TBC1D22A: variants seen among roughly 807,000 people sequenced by gnomAD.
The protein encoded by TBC1D22A is putative GTPase activator.
In TBC1D22A, 38 loss-of-function variants were observed where a neutral mutation model predicts 60.2. The observed-to-expected ratio is 0.63, with a 90% CI of 0.49 to 0.83. The LOEUF (loss-of-function observed/expected upper bound fraction) is 0.83, where lower values mean the gene tolerates loss of function less well. Among genes scored for constraint, TBC1D22A ranks in the 40% least tolerant of loss-of-function variants. TBC1D22A has a pLI of 0.00. For synonymous variants in TBC1D22A, 302 were observed against 281.7 expected, an observed-to-expected ratio of 1.07 and a Z score of -0.72; for missense variants, 628 against 701.0, an observed-to-expected ratio of 0.90 and a Z score of 1.18.
intron 12 of TBC1D22A, among the ~76,000 whole-genome samples, chr22:47,165,308 T>G (rs2068159876): frequency 6.6e-6 from 1 of 152,094 alleles, no homozygotes; most frequent in South Asian, 2.1e-4. Context: ...CTCTGCCACC[T>G]CCCAGGAGGT....
At chr22:46,810,729 G>GT (rs927852757) in intron 4 of TBC1D22A, among the ~76,000 whole-genome samples, 14 of 152,172 alleles carry the variant, frequency 9.2e-5, no homozygotes, top group Middle Eastern at 3.4e-3. Context: ...TTTGGGAGGA[G>GT]TTTTTTTTAA....
At chr22:47,172,751 G>A (rs921159982) in intron 12 of TBC1D22A, among the ~76,000 whole-genome samples, 1 of 152,210 alleles carries the variant, frequency 6.6e-6, no homozygotes, top group Admixed American at 6.5e-5. Flanking sequence ...CCTCGGGGTG[G>A]AGTCATTGTT....
At chr22:47,014,030 G>T (rs2061830330) in intron 10 of TBC1D22A, among the ~76,000 whole-genome samples, 1 of 152,232 alleles carries the variant, frequency 6.6e-6, no homozygotes, top group Non-Finnish European at 1.5e-5. Flanking sequence ...CCAGGCAGTG[G>T]GGCGTGTGGG....
intron 10 of TBC1D22A, among the ~76,000 whole-genome samples, chr22:47,008,211 G>A (rs1437984146): frequency 1.3e-5 from 2 of 152,178 alleles, no homozygotes; most frequent in African/African-American, 4.8e-5. Context: ...ATGATAGATG[G>A]CTATTGACGA....
intron 1 of TBC1D22A, among the ~76,000 whole-genome samples, chr22:46,770,782 A>G (rs949239658): frequency 6.6e-6 from 1 of 152,112 alleles, no homozygotes; most frequent in African/African-American, 2.4e-5. Flanking sequence ...ATAAATCTGT[A>G]TTGCCTTTTG....
chr22:46,984,782 A>G (rs2074658433), intron 9 of TBC1D22A, among the ~76,000 whole-genome samples: 1 of 152,258 alleles, frequency 6.6e-6, no homozygotes, highest in African/African-American at 2.4e-5. Flanking sequence ...CAGTGGCGTC[A>G]TGACTCCTTT....
At chr22:46,830,142 A>G (rs2086247889) in intron 4 of TBC1D22A, among the ~76,000 whole-genome samples, 1 of 152,150 alleles carries the variant, frequency 6.6e-6, no homozygotes, top group South Asian at 2.1e-4. Context: ...GGGCATAGGT[A>G]TTGTGGGCAT....
intron 11 of TBC1D22A, among the ~76,000 whole-genome samples, chr22:47,068,727 G>T (rs915661743): frequency 6.6e-6 from 1 of 152,170 alleles, no homozygotes. Context: ...ACAATTTCAC[G>T]CCGAAATCTC....
chr22:47,129,762 G>C (rs1481526446), intron 12 of TBC1D22A, among the ~76,000 whole-genome samples: 1 of 152,204 alleles, frequency 6.6e-6, no homozygotes, highest in Admixed American at 6.5e-5. Context: ...ATATATTAGA[G>C]GAAATTTTGA....
chr22:46,974,409 C>T lies in TBC1D22A; in HGVS notation c.1125+10C>T, dbSNP rs754971573. On this transcript the variant is annotated intron_variant, in intron 9 of 12. Transcript: ENST00000337137. ...GCTGGATGGCATTCAGGTGAGCGCCCGCGCCCACGGGACACAGCCCACGCC... is the reference window on the plus strand; with the variant it reads ...GCTGGATGGCATTCAGGTGAGCGCCTGCGCCCACGGGACACAGCCCACGCC... 15 of 1,599,970 alleles carry T rather than the reference C, an allele frequency of 9.4e-6. No homozygotes were observed. Among genetic ancestry groups the T allele is most frequent in the Middle Eastern group, 1.7e-4 (1 of 5,962 alleles).
At chr22:47,063,951 GCCT>G (rs1275636107) in intron 11 of TBC1D22A, among the ~76,000 whole-genome samples, 1 of 50,078 alleles carries the variant, frequency 2.0e-5, no homozygotes, top group Non-Finnish European at 3.5e-5. Context: ...CTCCAGTGTG[GCCT>G]CCTCTGAACT....
intron 11 of TBC1D22A, among the ~76,000 whole-genome samples, chr22:47,072,806 G>A (rs1010621020): frequency 4.6e-5 from 7 of 152,260 alleles, no homozygotes; most frequent in African/African-American, 1.7e-4. Flanking sequence ...TGGCCATCGA[G>A]GCTGTGCCTC....
At chr22:47,018,421 A>G (rs1018880102) in intron 10 of TBC1D22A, among the ~76,000 whole-genome samples, 19 of 152,182 alleles carry the variant, frequency 1.2e-4, no homozygotes, top group African/African-American at 4.3e-4. Flanking sequence ...TTTTAATGCA[A>G]TCTGAGGAGA....
intron 7 of TBC1D22A, among the ~76,000 whole-genome samples, chr22:46,897,393 C>A (rs1275095452): frequency 6.6e-6 from 1 of 151,974 alleles, no homozygotes; most frequent in Non-Finnish European, 1.5e-5. Flanking sequence ...AAGTGAAGCA[C>A]CCTATGCAAA....
At chr22:46,999,467 C>T (rs893321748) in intron 10 of TBC1D22A, among the ~76,000 whole-genome samples, 3 of 152,098 alleles carry the variant, frequency 2.0e-5, no homozygotes, top group Non-Finnish European at 4.4e-5. Flanking sequence ...TCTATCATGG[C>T]CTCATAATAA....
intron 11 of TBC1D22A, among the ~76,000 whole-genome samples, chr22:47,039,935 C>CTTT (rs570751261): frequency 0.01 from 778 of 77,284 alleles, 121 homozygotes; most frequent in Middle Eastern, 0.021. Flanking sequence ...GTGCCACAGC[C>CTTT]TTTTTTTTTT....
intron 11 of TBC1D22A, among the ~76,000 whole-genome samples, chr22:47,108,634 C>T (rs529740954): frequency 6.6e-6 from 1 of 152,138 alleles, no homozygotes; most frequent in South Asian, 2.1e-4. Context: ...GGTGTTTTCA[C>T]AGCTATATGC....
At chr22:46,855,929 C>T (rs2087546355) in intron 4 of TBC1D22A, among the ~76,000 whole-genome samples, 1 of 152,216 alleles carries the variant, frequency 6.6e-6, no homozygotes, top group Non-Finnish European at 1.5e-5. Context: ...CTCTCTCTAG[C>T]CTTTCTGTGT....
chr22:46,914,823 A>G (rs2070235565), intron 8 of TBC1D22A: 1 of 155,558 alleles, frequency 6.4e-6, no homozygotes, highest in South Asian at 2.0e-4. Flanking sequence ...TGTAGCACGG[A>G]AGACAGATTT....
Sources: gnomAD v4.1 joint callset for allele counts (sites outside exome capture counted in the v4.1 genomes callset) on GRCh38, gnomAD v4.1.1 for gene constraint, MANE v1.5 for transcripts, NCBI Gene and HGNC (gene_info 2026-07-23, HGNC 2026-07-21) for gene names.